Variants in XRN1 observed in about 807,000 individuals in gnomAD.
XRN1 encodes strand-exchange protein 1 homolog.
In XRN1, 67 loss-of-function variants were observed where a neutral mutation model predicts 222.3. The observed-to-expected ratio is 0.30, with a 90% CI of 0.25 to 0.37. The LOEUF (loss-of-function observed/expected upper bound fraction) is 0.37. XRN1 is among the 10% of genes least tolerant of loss of function. The pLI is 1.00. For synonymous variants in XRN1, 643 were observed against 652.4 expected (o/e 0.99, Z 0.22); for missense variants, 1,707 against 2,000.2 (o/e 0.85, Z 2.80).
intron 33 of XRN1, among the ~76,000 whole-genome samples, chr3:142,342,408 C>T (rs778595253): frequency 1.3e-5 from 2 of 152,108 alleles, no homozygotes; most frequent in African/African-American, 2.4e-5. Context: ...TGTCAAAATA[C>T]CAATGAAATT....
At chr3:142,429,914 T>C (rs1481546822) in intron 2 of XRN1, 3 of 152,250 alleles carry the variant, frequency 2.0e-5, no homozygotes, top group African/African-American at 7.2e-5. Context: ...GAGGTGCTGA[T>C]AAGCAAGGAA....
chr3:142,340,847 G>C (rs1453674349), intron 33 of XRN1, among the ~76,000 whole-genome samples: 1 of 152,072 alleles, frequency 6.6e-6, no homozygotes, highest in East Asian at 1.9e-4. Context: ...CAAACATGAA[G>C]GAGAAATAAA....
intron 25 of XRN1, among the ~76,000 whole-genome samples, chr3:142,371,920 TG>T (rs767565238): frequency 2.0e-5 from 3 of 152,196 alleles, no homozygotes; most frequent in Non-Finnish European, 4.4e-5. Flanking sequence ...AACTGGAAAC[TG>T]GATGAATGAA....
At chr3:142,347,203 C>T in intron 33 of XRN1, 31 bp downstream of exon 33, 2 of 1,406,582 alleles carry the variant, frequency 1.4e-6, no homozygotes. Context: ...AAGCAGCACA[C>T]ACAAGTACAC....
intron 23 of XRN1, among the ~76,000 whole-genome samples, chr3:142,379,433 C>T (rs2067236982): frequency 6.6e-6 from 1 of 152,102 alleles, no homozygotes; most frequent in South Asian, 2.1e-4. Context: ...AGTAAGTGCT[C>T]CATCAAAATG....
chr3:142,430,599 C>G (rs936132720), intron 2 of XRN1, among the ~76,000 whole-genome samples: 17 of 151,976 alleles, frequency 1.1e-4, no homozygotes, highest in African/African-American at 4.1e-4. Flanking sequence ...GTACTTTTTG[C>G]CATCCTCTTC....
At chr3:142,384,759 A>G in intron 20 of XRN1, 74 bp from the exon 21 acceptor site, 7 of 1,119,652 alleles carry the variant, frequency 6.3e-6, no homozygotes, top group Non-Finnish European at 8.7e-6. Context: ...ATCGTCAACT[A>G]TCGTAAACTA....
rs115089420 is a variant in XRN1 at position 142,348,616 on chromosome 3, C to A, written c.3769-1274G>T. On this transcript the variant is annotated intron_variant, in intron 32 of 40. Coordinates refer to ENST00000392981, the MANE Select transcript of XRN1 (RefSeq NM_001282857.2). ...ACAAATGAATTATTTCACCGTTTTG[C>A]TTTTGGTAGGCTCTATTTACTTTCT... Among the ~76,000 whole-genome samples, 480 of 152,220 alleles carry A rather than the reference C, an allele frequency of 3.2e-3. 2 individuals carry two copies. Among genetic ancestry groups the A allele is most frequent in the African/African-American group, 9.5e-3 (394 of 41,556 alleles).
Position 142,447,232 on chromosome 3 carries a change from C to T in XRN1, c.75+638G>A, listed in dbSNP as rs1408783109. On this transcript the variant is annotated intron_variant, in intron 1 of 40. Coordinates refer to ENST00000392981, the MANE Select transcript of XRN1 (RefSeq NM_001282857.2). The surrounding 1 kb of genome is among the most constrained non-coding windows in gnomAD (Gnocchi z 4.2). ...CCCCCTCTGTCACACAGTGAGGCCTCCAAATAAAAGGTCCTACGCCCCACT... is the reference window on the plus strand; with the variant it reads ...CCCCCTCTGTCACACAGTGAGGCCTTCAAATAAAAGGTCCTACGCCCCACT... Among the ~76,000 whole-genome samples the T allele has an allele frequency of 1.3e-5, 2 of 152,170 alleles. No homozygotes were observed. The highest frequency in any genetic ancestry group is 2.9e-5 in the Non-Finnish European group (2 of 68,032).
At chr3:142,383,667 A>G (rs918657029) in intron 21 of XRN1, among the ~76,000 whole-genome samples, 1 of 152,162 alleles carries the variant, frequency 6.6e-6, no homozygotes, top group African/African-American at 2.4e-5. Context: ...CACTTTACAG[A>G]TGACAAAACT....
chr3:142,365,340 T>C lies in XRN1; in HGVS notation c.3231A>G (p.Arg1077=). The C allele has an allele frequency of 6.3e-7, 1 of 1,578,080 alleles. No individual in the cohort carries two copies. Among genetic ancestry groups the C allele is most frequent in the Non-Finnish European group, 8.6e-7 (1 of 1,161,766 alleles). Residue 1077 remains arginine (R), a synonymous_variant, in exon 28 of 41, where the codon CGA becomes CGG. Coordinates refer to ENST00000392981, the MANE Select transcript of XRN1 (RefSeq NM_001282857.2). ...CKQRKNNKKV[R]VTVKPHLLYR... ...ATAGCAAATGGGGTTTCACTGTTAC[T>C]CGCACCTTCTTATTATTCTTTCTTT...
intron 31 of XRN1, among the ~76,000 whole-genome samples, chr3:142,356,190 T>A (rs915559351): frequency 6.6e-6 from 1 of 152,188 alleles, no homozygotes; most frequent in Admixed American, 6.5e-5. Context: ...TTTTAAAATC[T>A]TCACCTTACA....
chr3:142,424,598 G>A (rs1323374200), intron 5 of XRN1, among the ~76,000 whole-genome samples: 1 of 152,092 alleles, frequency 6.6e-6, no homozygotes, highest in Non-Finnish European at 1.5e-5. Context: ...TTTTAGGTGG[G>A]ATGATGGCAT....
intron 20 of XRN1, among the ~76,000 whole-genome samples, chr3:142,385,928 C>T (rs975041962): frequency 1.3e-5 from 2 of 151,260 alleles, no homozygotes; most frequent in Non-Finnish European, 2.9e-5. Context: ...TTTGTTTATA[C>T]AAATATGTCA....
At chr3:142,431,877 ATATAT>A (rs1240787202) in intron 2 of XRN1, among the ~76,000 whole-genome samples, 2 of 47,298 alleles carry the variant, frequency 4.2e-5, no homozygotes, top group Non-Finnish European at 6.9e-5. Context: ...ATATTATATT[ATATAT>A]ATTATATATA....
chr3:142,443,554 C>T (rs746113791), intron 1 of XRN1, among the ~76,000 whole-genome samples: 21 of 152,198 alleles, frequency 1.4e-4, no homozygotes, highest in Non-Finnish European at 4.4e-5. Flanking sequence ...GATGTAAACC[C>T]ACGCATTCAA....
rs148790354 is a variant in XRN1, at chr3:142,386,936, A to G, written c.2340-2251T>C. ...AAACCTTTTTGGTAGTATCTGTTCA[A>G]GCTGAATGTAGGCATATGCTATGAA... On this transcript the variant is annotated intron_variant, in intron 20 of 40. Transcript: ENST00000392981. Among the ~76,000 whole-genome samples, 9 of 152,266 alleles carry G rather than the reference A, an allele frequency of 5.9e-5. No individual in the cohort carries two copies. In the East Asian group the frequency reaches 1.7e-3, roughly 29 times the overall value.
intron 29 of XRN1, among the ~76,000 whole-genome samples, chr3:142,364,443 T>A (rs2066754117): frequency 6.6e-6 from 1 of 151,668 alleles, no homozygotes; most frequent in South Asian, 2.1e-4. Context: ...CTTCTCTGAT[T>A]TTTTTTTTCA....
chr3:142,411,715 T>A (rs929719090), intron 15 of XRN1, among the ~76,000 whole-genome samples: 2 of 152,206 alleles, frequency 1.3e-5, no homozygotes, highest in African/African-American at 4.8e-5. Context: ...AGTGTGCTAT[T>A]TAGTTTCAAA....
Sources: allele counts gnomAD v4.1 joint callset (sites outside exome capture counted in the v4.1 genomes callset), GRCh38; gene constraint gnomAD v4.1.1; non-coding constraint Gnocchi (gnomAD v3.1); transcripts MANE v1.5; gene names NCBI Gene and HGNC (gene_info 2026-07-23, HGNC 2026-07-21).